Variants in DYNLT5 observed in about 807,000 individuals in gnomAD.
The protein encoded by DYNLT5 is dynein light chain Tctex-type 5.
Under a neutral mutation model 19.3 loss-of-function variants are expected in DYNLT5, and 25 were observed. The observed-to-expected ratio is 1.30, with a 90% confidence interval of 0.95 to 1.81. The LOEUF is 1.81. DYNLT5 is among the 40% of genes most tolerant of loss of function. DYNLT5 has a pLI of 0.00. For missense variants in DYNLT5, 232 were observed against 217.9 expected (o/e 1.06, Z -0.41); for synonymous variants, 82 against 68.9 (o/e 1.19, Z -0.94).
intron 2 of DYNLT5, among the ~76,000 whole-genome samples, chr1:66,766,379 C>T (rs1572548153): frequency 6.6e-6 from 1 of 152,072 alleles, no homozygotes; most frequent in East Asian, 1.9e-4. Context: ...GTATATGGCA[C>T]TGGTAATTAA....
rs779578797 is a variant in DYNLT5, at chr1:66,777,233, C to CT, written c.337-11dup. On this transcript the variant is annotated splice_polypyrimidine_tract_variant and intron_variant, in intron 4 of 4. Coordinates refer to ENST00000282670, the MANE Select transcript of DYNLT5 (RefSeq NM_152665.3). ...CAATGTAGCTGAATGAAGACCCTCC[C>CT]TTTTTTTAAATTTCTAGGTTATTAA... The CT allele has an allele frequency of 5.6e-6, 9 of 1,600,264 alleles. No homozygotes were observed. Among genetic ancestry groups the CT allele is most frequent in the African/African-American group, 1.3e-5 (1 of 74,588 alleles).
intron 2 of DYNLT5, among the ~76,000 whole-genome samples, chr1:66,763,246 G>A (rs1161449387): frequency 1.3e-5 from 2 of 152,174 alleles, no homozygotes; most frequent in African/African-American, 4.8e-5. Context: ...AAGAAACTAT[G>A]CCGTAAAACA....
At chr1:66,764,465 A>G (rs1215726944) in intron 2 of DYNLT5, among the ~76,000 whole-genome samples, 1 of 152,242 alleles carries the variant, frequency 6.6e-6, no homozygotes, top group African/African-American at 2.4e-5. Context: ...AGACATGGGA[A>G]ATGGCTGGTC....
chr1:66,754,386 T>C (rs1388344276), intron 1 of DYNLT5, among the ~76,000 whole-genome samples: 1 of 152,246 alleles, frequency 6.6e-6, no homozygotes, highest in African/African-American at 2.4e-5. Flanking sequence ...ACCTCCGTCT[T>C]CATCAGCTAA....
chr1:66,775,922 C>T (rs2150869500), intron 3 of DYNLT5, among the ~76,000 whole-genome samples: 1 of 152,154 alleles, frequency 6.6e-6, no homozygotes, highest in East Asian at 1.9e-4. Context: ...CATTTAAGAT[C>T]TGGTAGATAG....
rs375756444 is a variant in DYNLT5, at chr1:66,777,503, T to C, written c.*49T>C. 4.5e-6 allele frequency: 7 copies of C among 1,549,468 alleles called. No individual in the cohort carries two copies. Among genetic ancestry groups the C allele is most frequent in the Non-Finnish European group, 5.3e-6 (6 of 1,135,640 alleles). ...TACTTTTGAAAATTCTGAGGCAGGC[T>C]GTATGTCTGTACACAAAAGTTTTAC... On this transcript the variant is annotated 3_prime_UTR_variant, in exon 5 of 5. Coordinates refer to ENST00000282670, the MANE Select transcript of DYNLT5 (RefSeq NM_152665.3).
chr1:66,777,626 T>G lies in DYNLT5; in HGVS notation c.*172T>G, dbSNP rs1328609650. 2.5e-5 allele frequency: 13 copies of G among 515,404 alleles called. No homozygotes were observed. Among genetic ancestry groups the G allele is most frequent in the Admixed American group, 1.4e-4 (4 of 28,870 alleles). The allele number at this position is 515,404 out of a possible 1,614,324, so 31.9% of individuals were successfully genotyped here. A position where few individuals can be genotyped will look rare whatever the true frequency, so the allele number is the denominator to read the frequency against. ...TAGTAAAGATTTGGGGAGGGGAGGG[T>G]AGCCACAGAAAGAATCTTGTTTATC... On this transcript the variant is annotated 3_prime_UTR_variant, in exon 5 of 5. Coordinates refer to ENST00000282670, the MANE Select transcript of DYNLT5 (RefSeq NM_152665.3).
intron 2 of DYNLT5, among the ~76,000 whole-genome samples, chr1:66,760,086 C>T (rs1458869675): frequency 2.6e-5 from 4 of 152,144 alleles, no homozygotes; most frequent in Admixed American, 1.3e-4. Context: ...CCTACCTTGA[C>T]CACTTCATTT....
intron 2 of DYNLT5, among the ~76,000 whole-genome samples, chr1:66,760,622 C>A (rs886130686): frequency 1.3e-5 from 2 of 152,154 alleles, no homozygotes; most frequent in African/African-American, 4.8e-5. Context: ...CCCAAAAGAA[C>A]AGTTTCATTT....
intron 2 of DYNLT5, among the ~76,000 whole-genome samples, chr1:66,756,111 T>A (rs1351079444): frequency 6.6e-6 from 1 of 152,190 alleles, no homozygotes; most frequent in Non-Finnish European, 1.5e-5. Context: ...TATTGATGAA[T>A]ATAAATACAT....
chr1:66,760,740 C>T (rs1463775086), intron 2 of DYNLT5, among the ~76,000 whole-genome samples: 1 of 152,194 alleles, frequency 6.6e-6, no homozygotes. Flanking sequence ...GATGATTGCC[C>T]AGCGTGACAC....
Position 66,752,521 on chromosome 1 carries a change from G to T in DYNLT5, c.-67G>T, listed in dbSNP as rs1054974479. The T allele has an allele frequency of 1.7e-5, 17 of 985,478 alleles. No individual in the cohort carries two copies. Among genetic ancestry groups the T allele is most frequent in the Admixed American group, 6.1e-5 (1 of 16,272 alleles). 61.0% of individuals were successfully genotyped at this position (985,478 alleles called of 1,614,324 possible). ...ATGAAGCCTGGGACGCGGGAGCCGCGCCGCGCGCAGTGTCTGCAGTGCCGG... is the reference window on the plus strand; with the variant it reads ...ATGAAGCCTGGGACGCGGGAGCCGCTCCGCGCGCAGTGTCTGCAGTGCCGG... On this transcript the variant is annotated 5_prime_UTR_variant, in exon 1 of 5. Transcript: ENST00000282670.
intron 2 of DYNLT5, among the ~76,000 whole-genome samples, chr1:66,762,725 G>A (rs979024608): frequency 4.6e-5 from 7 of 152,138 alleles, no homozygotes; most frequent in African/African-American, 1.4e-4. Context: ...AAAGAAGTTG[G>A]TGAATACATA....
chr1:66,770,765 G>A (rs1001247280), intron 3 of DYNLT5: 7 of 454,810 alleles, frequency 1.5e-5, no homozygotes, highest in Non-Finnish European at 2.8e-5. Context: ...GAGTATTTCT[G>A]GGTACATAGA....
At chr1:66,766,259 A>T (rs1340138362) in intron 2 of DYNLT5, among the ~76,000 whole-genome samples, 1 of 152,226 alleles carries the variant, frequency 6.6e-6, no homozygotes, top group South Asian at 2.1e-4. Flanking sequence ...CAATGAGATC[A>T]CGTGTCTAGA....
intron 4 of DYNLT5, 143 bp downstream of exon 4, chr1:66,776,546 TATGTGTGTGTGTGG>T: frequency 1.3e-6 from 1 of 762,334 alleles, no homozygotes; most frequent in Non-Finnish European, 1.8e-6. Context: ...ATTCTACATA[TATGTGTGTGTGTGG>T]GTGTGTGTGT....
chr1:66,754,685 CA>C lies in DYNLT5; in HGVS notation c.28del (p.Arg10GlufsTer15), dbSNP rs2094632851. 1.9e-6 allele frequency: 3 copies of C among 1,612,626 alleles called. No homozygotes were observed. Among genetic ancestry groups the C allele is most frequent in the African/African-American group, 1.3e-5 (1 of 74,950 alleles). On this transcript the variant is annotated frameshift_variant, in exon 2 of 5. Coordinates refer to ENST00000282670, the MANE Select transcript of DYNLT5 (RefSeq NM_152665.3). LOFTEE classifies it high-confidence loss of function. ...TGATGATGTCAGACAATGCTAAAGG[CA>C]GAGCAGCTCATTCATGGAAGAAAAG... MMMSDNAKGRAAHSWKKRGS... is the reference protein window; with the variant it reads MMMSDNAKGXAAHSWKKRGS...
intron 2 of DYNLT5, among the ~76,000 whole-genome samples, chr1:66,767,253 T>A (rs1040431339): frequency 3.9e-5 from 6 of 152,044 alleles, no homozygotes; most frequent in Non-Finnish European, 7.4e-5. Context: ...TTTACTGGTT[T>A]TTGTTTTGTT....
At position 66,762,697 on chromosome 1, in the gene DYNLT5, G is replaced by A. The variant is rs116942631; in HGVS notation, c.120-7690G>A. ...CCTTACAAAATGAATTTCTTAAATCGTAAGATTTATGGGGTGAAAAGAAGT... is the reference window on the plus strand; with the variant it reads ...CCTTACAAAATGAATTTCTTAAATCATAAGATTTATGGGGTGAAAAGAAGT... On this transcript the variant is annotated intron_variant, in intron 2 of 4. Coordinates refer to ENST00000282670, the MANE Select transcript of DYNLT5 (RefSeq NM_152665.3). Among the ~76,000 whole-genome samples, 116 of 152,292 alleles carry A rather than the reference G, an allele frequency of 7.6e-4. 1 individual carries two copies. In the East Asian group the frequency reaches 0.02, roughly 26 times the overall value.
Sources: allele counts gnomAD v4.1 joint callset (sites outside exome capture counted in the v4.1 genomes callset), GRCh38; gene constraint gnomAD v4.1.1; transcripts MANE v1.5; gene names NCBI Gene and HGNC (gene_info 2026-07-23, HGNC 2026-07-21).